TLL2: variants seen among roughly 807,000 people sequenced by gnomAD.
TLL2 encodes the protein tolloid like 2, also known as tolloid-like protein 2.
Under a neutral mutation model 123.0 loss-of-function variants are expected in TLL2, and 106 were observed. The ratio of observed to expected loss-of-function variants is 0.86; its 90% confidence interval spans 0.74 to 1.01. TLL2 has a LOEUF of 1.01. Among genes scored for constraint, TLL2 ranks in the 50% least tolerant of loss-of-function variants. TLL2 has a pLI of 0.00. For missense variants in TLL2, 1,332 were observed against 1,336.7 expected (o/e 1.00, Z 0.06); for synonymous variants, 494 against 516.8 (o/e 0.96, Z 0.60).
intron 13 of TLL2, among the ~76,000 whole-genome samples, chr10:96,390,766 A>G (rs1041885568): frequency 6.6e-6 from 1 of 152,226 alleles, no homozygotes; most frequent in African/African-American, 2.4e-5. Context: ...GGCTGGGTAC[A>G]GTCTCCTGAC....
At chr10:96,403,518 G>T (rs1290329825) in intron 10 of TLL2, among the ~76,000 whole-genome samples, 1 of 152,168 alleles carries the variant, frequency 6.6e-6, no homozygotes, top group Admixed American at 6.5e-5. Context: ...TTAACAAAAT[G>T]TTTACAAGCA....
chr10:96,438,131 C>T (rs1846814898), intron 3 of TLL2, among the ~76,000 whole-genome samples: 1 of 152,026 alleles, frequency 6.6e-6, no homozygotes, highest in Non-Finnish European at 1.5e-5. Context: ...CTTGTCTATG[C>T]CTGCAAAAAA....
intron 16 of TLL2, among the ~76,000 whole-genome samples, chr10:96,380,495 G>A (rs1030756406): frequency 1.3e-5 from 2 of 151,830 alleles, no homozygotes; most frequent in Admixed American, 1.3e-4. Flanking sequence ...TGGCTAACAC[G>A]GTGAAACCCT....
chr10:96,369,672 A>T (rs542156807), intron 20 of TLL2, among the ~76,000 whole-genome samples: 20 of 151,558 alleles, frequency 1.3e-4, no homozygotes, highest in African/African-American at 4.8e-4. Flanking sequence ...GAGGCAGGAG[A>T]ATCGCATGAA....
chr10:96,513,587 GGT>G lies in TLL2; in HGVS notation c.97_98del (p.Thr33ArgfsTer36). ...AGGLGERPDA[T>X]ADYSELDGEE... is the part of the protein sequence containing the mutation. Reference sequence around the variant, plus strand: ...CGCCGTCCAGCTCTGAGTAGTCTGCGGTGGCGTCCGGGCGCTCCCCGAGTCCC... The same window carrying G: ...CGCCGTCCAGCTCTGAGTAGTCTGCGGGCGTCCGGGCGCTCCCCGAGTCCC... On this transcript the variant is annotated frameshift_variant, in exon 1 of 21. Coordinates refer to ENST00000357947, the MANE Select transcript of TLL2 (RefSeq NM_012465.4). LOFTEE classifies it high-confidence loss of function. The G allele has an allele frequency of 6.2e-7, 1 of 1,607,772 alleles. No individual in the cohort carries two copies. The highest frequency in any genetic ancestry group is 8.5e-7 in the Non-Finnish European group (1 of 1,179,286).
chr10:96,370,168 G>T lies in TLL2; in HGVS notation c.2810C>A (p.Thr937Asn), dbSNP rs1589402736. 2 of 1,614,086 alleles carry T rather than the reference G, an allele frequency of 1.2e-6. No homozygotes were observed. Among genetic ancestry groups the T allele is most frequent in the African/African-American group, 2.7e-5 (2 of 75,042 alleles). ...DGYGVELTFRTFEVEEEADCG... is the reference protein window; with the variant it reads ...DGYGVELTFRNFEVEEEADCG... ...GTCGGCCTCCTCCTCAACCTCAAAG[G>T]TCCGGAATGTCAGCTCCACGCCGTA... Residue 937 changes from threonine (T) to asparagine (N), a missense_variant, in exon 20 of 21, where the codon ACC (threonine) becomes AAC (asparagine). Coordinates refer to ENST00000357947, the MANE Select transcript of TLL2 (RefSeq NM_012465.4).
intron 10 of TLL2, among the ~76,000 whole-genome samples, chr10:96,398,668 C>A (rs1231701504): frequency 6.6e-6 from 1 of 152,084 alleles, no homozygotes; most frequent in African/African-American, 2.4e-5. Context: ...CAGCCCAGGG[C>A]GAGGTGGGAG....
intron 2 of TLL2, among the ~76,000 whole-genome samples, chr10:96,452,094 T>C (rs922637781): frequency 3.3e-5 from 5 of 152,268 alleles, no homozygotes; most frequent in African/African-American, 9.6e-5. Flanking sequence ...GCTGGATTCC[T>C]GCAGGCAGTG....
chr10:96,418,692 AAT>A (rs1210602633), intron 7 of TLL2, among the ~76,000 whole-genome samples: 4 of 148,756 alleles, frequency 2.7e-5, no homozygotes, highest in African/African-American at 7.3e-5. Context: ...AATGTATATG[AAT>A]ATATATATGA....
rs887949068 is a variant in TLL2 at position 96,504,709 on chromosome 10, A to G, written c.175+8802T>C. The stretch of plus-strand genomic sequence containing the variant: ...TATTAGTCCATTCTCACACTACTGT[A>G]AAGATACTGCCTGAGGGCCAGGAGC... On this transcript the variant is annotated intron_variant, in intron 1 of 20. Transcript: ENST00000357947. Among the ~76,000 whole-genome samples, 15 of 152,318 alleles carry G rather than the reference A, an allele frequency of 9.8e-5. 1 individual carries two copies. The highest frequency in any genetic ancestry group is 3.6e-4 in the African/African-American group (15 of 41,576).
chr10:96,421,833 G>A (rs1229923351), intron 6 of TLL2, among the ~76,000 whole-genome samples: 1 of 152,010 alleles, frequency 6.6e-6, no homozygotes, highest in African/African-American at 2.4e-5. Context: ...GTGAGACTCT[G>A]TCTCAAAAAA....
chr10:96,492,808 T>A (rs543031780), intron 1 of TLL2, among the ~76,000 whole-genome samples: 31 of 152,336 alleles, frequency 2.0e-4, no homozygotes, highest in Non-Finnish European at 4.1e-4. Context: ...CCCAACATAG[T>A]TGCTTCTGAG....
At chr10:96,511,371 TC>T (rs2134119161) in intron 1 of TLL2, among the ~76,000 whole-genome samples, 1 of 152,256 alleles carries the variant, frequency 6.6e-6, no homozygotes, top group East Asian at 1.9e-4. Context: ...TGTTACCTTT[TC>T]CCCCAGGTTG....
At chr10:96,422,888 G>T (rs1455468284) in intron 5 of TLL2, among the ~76,000 whole-genome samples, 161 bp from the exon 6 acceptor site, 1 of 152,216 alleles carries the variant, frequency 6.6e-6, no homozygotes, top group African/African-American at 2.4e-5. Flanking sequence ...AGAACTTTGG[G>T]AGGCCGAGGT....
At chr10:96,450,395 C>T (rs1204169573) in intron 2 of TLL2, among the ~76,000 whole-genome samples, 1 of 152,118 alleles carries the variant, frequency 6.6e-6, no homozygotes. Flanking sequence ...CTGGGTCCCA[C>T]CCCCGCCGGA....
chr10:96,510,733 T>C (rs1027550071), intron 1 of TLL2, among the ~76,000 whole-genome samples: 3 of 152,158 alleles, frequency 2.0e-5, no homozygotes, highest in African/African-American at 4.8e-5. Context: ...AAATTAGAAA[T>C]GGTAAAATTA....
intron 1 of TLL2, among the ~76,000 whole-genome samples, chr10:96,489,735 G>T (rs1479308763): frequency 6.6e-6 from 1 of 152,136 alleles, no homozygotes; most frequent in Non-Finnish European, 1.5e-5. Context: ...AATACAAATT[G>T]TAAATGATAC....
At chr10:96,398,405 C>A (rs746106982) in intron 10 of TLL2, among the ~76,000 whole-genome samples, 1 of 152,206 alleles carries the variant, frequency 6.6e-6, no homozygotes, top group Non-Finnish European at 1.5e-5. Context: ...TTGGCATAAA[C>A]TATGCCCCCA....
In TLL2 at chr10:96,366,477, TTTAA is replaced by T. The variant is rs1846027458; in HGVS notation, c.*1607_*1610del. ...TACAGACATATATTATTAATAATAC[TTTAA>T]TTTTTTTCTGTTTTAAGGAAAAAAT... On this transcript the variant is annotated 3_prime_UTR_variant, in exon 21 of 21. Coordinates refer to ENST00000357947, the MANE Select transcript of TLL2 (RefSeq NM_012465.4). 1 of 152,684 alleles carries T rather than the reference TTTAA, an allele frequency of 6.5e-6. No individual in the cohort carries two copies. Among genetic ancestry groups the T allele is most frequent in the African/African-American group, 2.4e-5 (1 of 41,474 alleles). The allele number at this position is 152,684 out of a possible 1,614,324, so 9.5% of individuals were successfully genotyped here. A position where few individuals can be genotyped will look rare whatever the true frequency, so the allele number is the denominator to read the frequency against.
Sources: allele counts gnomAD v4.1 joint callset (sites outside exome capture counted in the v4.1 genomes callset), GRCh38; gene constraint gnomAD v4.1.1; transcripts MANE v1.5; gene names NCBI Gene and HGNC (gene_info 2026-07-23, HGNC 2026-07-21).